CADM2: variants seen among roughly 807,000 people sequenced by gnomAD.
The protein encoded by CADM2 is immunoglobulin superfamily member 4D.
A neutral mutation model predicts 49.8 loss-of-function variants in CADM2; 12 were observed. The ratio of observed to expected loss-of-function variants is 0.24; its 90% CI spans 0.15 to 0.39. CADM2 has a LOEUF of 0.39. Ranked by LOEUF, CADM2 falls within the 10% of genes least tolerant of loss-of-function variation. The pLI is 1.00. For synonymous variants in CADM2, 214 were observed against 175.4 expected (o/e 1.22, Z -1.74); for missense variants, 378 against 492.3 (o/e 0.77, Z 2.20).
chr3:85,074,780 C>T (rs2036879020), intron 1 of CADM2, among the ~76,000 whole-genome samples: 2 of 152,000 alleles, frequency 1.3e-5, no homozygotes, highest in African/African-American at 4.8e-5. Context: ...GTCAGGGAAC[C>T]TAATTTTTGT....
At chr3:85,844,316 T>A (rs2074779266) in intron 3 of CADM2, among the ~76,000 whole-genome samples, 1 of 152,128 alleles carries the variant, frequency 6.6e-6, no homozygotes, top group Non-Finnish European at 1.5e-5. Context: ...TACTTTGAAT[T>A]TTTTGTTATA....
At chr3:85,902,254 C>A (rs914453909) in intron 5 of CADM2, among the ~76,000 whole-genome samples, 4 of 151,764 alleles carry the variant, frequency 2.6e-5, no homozygotes, top group Non-Finnish European at 4.4e-5. Context: ...AATGGATGGT[C>A]TTTTCTATCA....
chr3:85,786,249 T>A (rs2108013236), intron 2 of CADM2, among the ~76,000 whole-genome samples: 1 of 152,250 alleles, frequency 6.6e-6, no homozygotes, highest in Non-Finnish European at 1.5e-5. Context: ...AGATTAAAAA[T>A]GTAGTAATCC....
intron 2 of CADM2, among the ~76,000 whole-genome samples, chr3:85,743,650 G>C (rs1342304888): frequency 1.3e-5 from 2 of 152,072 alleles, no homozygotes; most frequent in Admixed American, 1.3e-4. Context: ...TACCTCCCTT[G>C]TATTGGGTAG....
intron 3 of CADM2, among the ~76,000 whole-genome samples, chr3:85,847,845 C>T (rs2074944488): frequency 6.6e-6 from 1 of 152,130 alleles, no homozygotes; most frequent in South Asian, 2.1e-4. Flanking sequence ...ATTTGCTACT[C>T]AGAGATATAA....
In CADM2 at chr3:85,986,816, G is replaced by A. The variant is rs184524758; in HGVS notation, c.970+25169G>A. 1.7e-3 allele frequency among the ~76,000 whole-genome samples: 262 copies of A among 152,194 alleles called. 2 individuals carry two copies. Among genetic ancestry groups the A allele is most frequent in the African/African-American group, 6.2e-3 (258 of 41,548 alleles). ...GGAGGTACTTTCAACCTTGCTGCGA[G>A]TATCACATCGTACATGCTTTTGGAG... On this transcript the variant is annotated intron_variant, in intron 8 of 9. Transcript: ENST00000383699.
At chr3:85,112,530 T>C (rs1287180565) in intron 1 of CADM2, among the ~76,000 whole-genome samples, 1 of 151,926 alleles carries the variant, frequency 6.6e-6, no homozygotes, top group Admixed American at 6.6e-5. Context: ...CACTGCTATA[T>C]GATTTCACCC....
At chr3:85,566,174 G>A (rs1404949222) in intron 1 of CADM2, among the ~76,000 whole-genome samples, 1 of 152,040 alleles carries the variant, frequency 6.6e-6, no homozygotes, top group African/African-American at 2.4e-5. Flanking sequence ...AAGTTTTTGA[G>A]TAATCATTTT....
At chr3:85,931,816 CAA>C (rs1321948316) in intron 6 of CADM2, among the ~76,000 whole-genome samples, 2 of 151,216 alleles carry the variant, frequency 1.3e-5, no homozygotes, top group African/African-American at 4.9e-5. Context: ...CATTAGAAGA[CAA>C]GAACATAAAT....
intron 1 of CADM2, among the ~76,000 whole-genome samples, chr3:85,179,431 G>GT (rs1293415523): frequency 1.3e-5 from 2 of 151,858 alleles, no homozygotes; most frequent in Admixed American, 6.6e-5. Context: ...CTTTAAAGGG[G>GT]TTTTTGGTTT....
intron 1 of CADM2, among the ~76,000 whole-genome samples, chr3:85,154,521 T>A (rs1263772472): frequency 6.6e-6 from 1 of 152,054 alleles, no homozygotes. Flanking sequence ...CTCTGCAGGA[T>A]ATTATCCGTG....
chr3:85,922,893 C>A (rs1045190454), intron 6 of CADM2, among the ~76,000 whole-genome samples: 2 of 151,440 alleles, frequency 1.3e-5, no homozygotes, highest in African/African-American at 4.8e-5. Flanking sequence ...ACTATCTTGG[C>A]TCACTGCAAC....
chr3:85,593,201 A>G (rs1430258075), intron 1 of CADM2, among the ~76,000 whole-genome samples: 1 of 151,264 alleles, frequency 6.6e-6, no homozygotes, highest in Non-Finnish European at 1.5e-5. Context: ...TTATACTTTA[A>G]GTTTTAGGGT....
chr3:85,673,911 A>T (rs1577062906), intron 1 of CADM2, among the ~76,000 whole-genome samples: 1 of 152,190 alleles, frequency 6.6e-6, no homozygotes, highest in African/African-American at 2.4e-5. Context: ...CCATTAAAAA[A>T]TTTTAACCAG....
intron 2 of CADM2, among the ~76,000 whole-genome samples, chr3:85,761,904 C>T (rs2069404830): frequency 6.6e-6 from 1 of 152,080 alleles, no homozygotes; most frequent in African/African-American, 2.4e-5. Context: ...TGAGGGTCGT[C>T]CAACAGGTAG....
chr3:85,039,127 G>A (rs1340396613), intron 1 of CADM2, among the ~76,000 whole-genome samples: 2 of 152,038 alleles, frequency 1.3e-5, no homozygotes, highest in Non-Finnish European at 2.9e-5. Context: ...TCAGCCTCCC[G>A]AGTAGCTGGG....
In CADM2 at chr3:86,049,274, A is replaced by AT. The variant is rs201662167; in HGVS notation, c.971-16325dup. Among the ~76,000 whole-genome samples, 11 of 148,066 alleles carry AT rather than the reference A, an allele frequency of 7.4e-5. No individual in the cohort carries two copies. In the South Asian group the frequency reaches 1.3e-3, roughly 17 times the overall value. On this transcript the variant is annotated intron_variant, in intron 8 of 9. Transcript: ENST00000383699. ...ATTTATTTTATTTTATTTTATTTTTATTTTTTATTTTTTTTTTTGAGACAG... is the reference window on the plus strand; with the variant it reads ...ATTTATTTTATTTTATTTTATTTTTATTTTTTTATTTTTTTTTTTGAGACAG...
intron 3 of CADM2, among the ~76,000 whole-genome samples, chr3:85,831,433 T>C (rs1474009558): frequency 6.6e-6 from 1 of 152,056 alleles, no homozygotes; most frequent in Non-Finnish European, 1.5e-5. Context: ...ACTGAACTAA[T>C]CTACATTCCC....
intron 1 of CADM2, among the ~76,000 whole-genome samples, chr3:85,222,567 C>G (rs187995066): frequency 1.3e-5 from 2 of 152,226 alleles, no homozygotes; most frequent in East Asian, 3.9e-4. Context: ...CATATATTTT[C>G]CCTGATAATC....
Sources: allele counts gnomAD v4.1 joint callset (sites outside exome capture counted in the v4.1 genomes callset), GRCh38; gene constraint gnomAD v4.1.1; transcripts MANE v1.5; gene names NCBI Gene and HGNC (gene_info 2026-07-23, HGNC 2026-07-21).